DDR2: variants seen among roughly 807,000 people sequenced by gnomAD.
DDR2 encodes discoidin domain receptor tyrosine kinase 2.
Under a neutral mutation model 94.9 loss-of-function variants are expected in DDR2, and 27 were observed. The ratio of observed to expected loss-of-function variants is 0.28; its 90% CI spans 0.21 to 0.39. The LOEUF (loss-of-function observed/expected upper bound fraction) is 0.39, where lower values mean the gene tolerates loss of function less well. Ranked by LOEUF, DDR2 falls within the 10% of genes least tolerant of loss-of-function variation. The pLI, the probability that DDR2 is intolerant of heterozygous loss-of-function variation, is 1.00. For missense variants in DDR2, 783 were observed against 1,076.0 expected, an observed-to-expected ratio of 0.73 and a Z score of 3.81; for synonymous variants, 382 against 377.2, an observed-to-expected ratio of 1.01 and a Z score of -0.15.
At chr1:162,740,032 A>G (rs1469553298) in intron 3 of DDR2, among the ~76,000 whole-genome samples, 2 of 151,482 alleles carry the variant, frequency 1.3e-5, no homozygotes, top group East Asian at 3.9e-4. Context: ...TGTTATCTTT[A>G]TTCCTTATTT....
chr1:162,660,990 T>C (rs1296304426), intron 2 of DDR2, among the ~76,000 whole-genome samples: 1 of 152,222 alleles, frequency 6.6e-6, no homozygotes, highest in East Asian at 1.9e-4. Flanking sequence ...AAATATTTCC[T>C]TAAAGAATCA....
intron 4 of DDR2, among the ~76,000 whole-genome samples, 183 bp downstream of exon 4, chr1:162,753,380 A>G (rs537674648): frequency 1.3e-5 from 2 of 152,306 alleles, no homozygotes; most frequent in African/African-American, 4.8e-5. Context: ...TTTAGGACTT[A>G]GCCACATGTA....
intron 4 of DDR2, among the ~76,000 whole-genome samples, chr1:162,754,076 A>G (rs1170959890): frequency 6.6e-6 from 1 of 152,158 alleles, no homozygotes; most frequent in East Asian, 1.9e-4. Flanking sequence ...CTCAGCCTGA[A>G]GGTAATAAAA....
In DDR2 at chr1:162,763,873, T is replaced by C. The variant is rs533116507; in HGVS notation, c.1100-2128T>C. Among the ~76,000 whole-genome samples, 20 of 152,356 alleles carry C rather than the reference T, an allele frequency of 1.3e-4. No individual in the cohort carries two copies. The South Asian group carries it at 4.1e-3, about 32-fold the overall frequency. On this transcript the variant is annotated intron_variant, in intron 9 of 17. Transcript: ENST00000367921. ...ATTTTATACGTTCATCTCTATTATT[T>C]ATGCTAAATATCATGTTTCCTAACA...
At chr1:162,742,824 A>G (rs1277524915) in intron 3 of DDR2, among the ~76,000 whole-genome samples, 3 of 152,226 alleles carry the variant, frequency 2.0e-5, no homozygotes, top group Admixed American at 1.3e-4. Context: ...GGCGAAAGGC[A>G]CTTCTTACAT....
chr1:162,720,357 C>T (rs1014495689), intron 3 of DDR2, among the ~76,000 whole-genome samples: 2 of 152,060 alleles, frequency 1.3e-5, no homozygotes, highest in African/African-American at 4.8e-5. Context: ...TGCTTTCTAG[C>T]AACATAGATT....
chr1:162,688,225 T>A lies in DDR2; in HGVS notation c.-27-30812T>A, dbSNP rs78399359. ...CACGTACAAGGACACAACTTCATGT[T>A]TGGTTCAATGTGAGACTTCTCTGTG... On this transcript the variant is annotated intron_variant, in intron 2 of 17. Coordinates refer to ENST00000367921, the MANE Select transcript of DDR2 (RefSeq NM_006182.4). 5.4e-3 allele frequency among the ~76,000 whole-genome samples: 818 copies of A among 152,302 alleles called. 7 individuals are homozygous for A. Among genetic ancestry groups the A allele is most frequent in the African/African-American group, 0.019 (784 of 41,556 alleles).
At chr1:162,752,719 G>C (rs1401516214) in intron 3 of DDR2, among the ~76,000 whole-genome samples, 2 of 152,110 alleles carry the variant, frequency 1.3e-5, no homozygotes, top group Non-Finnish European at 2.9e-5. Context: ...TGATTATGAG[G>C]GTTCCTCACT....
chr1:162,750,747 A>C (rs1345343212), intron 3 of DDR2, among the ~76,000 whole-genome samples: 4 of 152,198 alleles, frequency 2.6e-5, no homozygotes, highest in East Asian at 3.8e-4. Context: ...TTCAAACTAT[A>C]CTACAAGGCT....
intron 1 of DDR2, among the ~76,000 whole-genome samples, chr1:162,636,714 A>G (rs900803407): frequency 6.6e-6 from 1 of 152,142 alleles, no homozygotes; most frequent in African/African-American, 2.4e-5. Flanking sequence ...TTTAGATAAG[A>G]TAATGTATAG....
chr1:162,656,349 G>A (rs541852163), intron 2 of DDR2, among the ~76,000 whole-genome samples: 2 of 152,326 alleles, frequency 1.3e-5, no homozygotes, highest in South Asian at 4.2e-4. Context: ...TGATTATTGG[G>A]ATAAGGGTGG....
chr1:162,765,638 G>A (rs761364880), intron 9 of DDR2, among the ~76,000 whole-genome samples: 1 of 151,730 alleles, frequency 6.6e-6, no homozygotes, highest in Non-Finnish European at 1.5e-5. Context: ...TTAACACTAT[G>A]TCTGTCCCTT....
intron 3 of DDR2, among the ~76,000 whole-genome samples, chr1:162,746,584 C>A (rs891721367): frequency 1.3e-5 from 2 of 152,246 alleles, no homozygotes; most frequent in Non-Finnish European, 2.9e-5. Context: ...CTTCTGCAGA[C>A]TTAAACGTCC....
At chr1:162,735,117 C>T (rs1209089456) in intron 3 of DDR2, among the ~76,000 whole-genome samples, 2 of 152,144 alleles carry the variant, frequency 1.3e-5, no homozygotes, top group Non-Finnish European at 2.9e-5. Context: ...TGACTGCCGC[C>T]TGTTGAGAGT....
intron 2 of DDR2, among the ~76,000 whole-genome samples, chr1:162,658,356 A>G (rs6700589): frequency 0.8 from 122,285 of 152,040 alleles, 50,589 homozygotes; most frequent in Middle Eastern, 0.92. Context: ...AGCTGAAGTA[A>G]ACAAAACTCT....
chr1:162,727,724 A>G (rs1372414048), intron 3 of DDR2, among the ~76,000 whole-genome samples: 1 of 147,348 alleles, frequency 6.8e-6, no homozygotes, highest in East Asian at 1.9e-4. Context: ...GACCAAAGTC[A>G]TAAAAACCTC....
rs187922599 is a variant in DDR2 at position 162,717,359 on chromosome 1, A to G, written c.-27-1678A>G. Among the ~76,000 whole-genome samples, 889 of 152,326 alleles carry G rather than the reference A, an allele frequency of 5.8e-3. 13 individuals carry two copies. Among genetic ancestry groups the G allele is most frequent in the African/African-American group, 0.02 (824 of 41,584 alleles). ...CTTTCTAGAACAGTTTTATATTTAC[A>G]TAATCATTGTGAAGCTAGTACAGGG... is the stretch of plus-strand genomic sequence containing the variant. On this transcript the variant is annotated intron_variant, in intron 2 of 17. Coordinates refer to ENST00000367921, the MANE Select transcript of DDR2 (RefSeq NM_006182.4).
intron 2 of DDR2, among the ~76,000 whole-genome samples, chr1:162,667,749 A>G (rs1024159448): frequency 5.9e-5 from 9 of 152,146 alleles, no homozygotes; most frequent in African/African-American, 2.2e-4. Flanking sequence ...ATGACAAAGG[A>G]CACCCCCACA....
In DDR2 at chr1:162,760,908, C is replaced by T. The variant is rs115988200; in HGVS notation, c.856-303C>T. 2.1e-3 allele frequency among the ~76,000 whole-genome samples: 315 copies of T among 151,278 alleles called. 3 individuals are homozygous for T. The highest frequency in any genetic ancestry group is 7.2e-3 in the African/African-American group (298 of 41,228). Reference sequence around the variant, plus strand: ...ACCCTGATTCGTGTGTGTATCTATACACATAGATACATACACACATATGTG... The same window carrying T: ...ACCCTGATTCGTGTGTGTATCTATATACATAGATACATACACACATATGTG... On this transcript the variant is annotated intron_variant, in intron 8 of 17. Transcript: ENST00000367921.
Sources: allele counts gnomAD v4.1 joint callset (sites outside exome capture counted in the v4.1 genomes callset), GRCh38; gene constraint gnomAD v4.1.1; transcripts MANE v1.5; gene names NCBI Gene and HGNC (gene_info 2026-07-23, HGNC 2026-07-21).